Variants in APBA1 observed in about 807,000 individuals in gnomAD.
The protein encoded by APBA1 is amyloid-beta A4 precursor protein-binding family A member 1.
Under a neutral mutation model 86.6 loss-of-function variants are expected in APBA1, and 55 were observed. The ratio of observed to expected loss-of-function variants is 0.64; its 90% CI spans 0.51 to 0.80. The LOEUF (loss-of-function observed/expected upper bound fraction) is 0.80, where lower values mean the gene tolerates loss of function less well. APBA1 is among the 30% of genes least tolerant of loss of function. APBA1 has a pLI of 0.00. For missense variants in APBA1, 1,090 were observed against 1,183.0 expected (o/e 0.92, Z 1.15); for synonymous variants, 511 against 493.9 (o/e 1.03, Z -0.46).
intron 1 of APBA1, among the ~76,000 whole-genome samples, chr9:69,597,788 G>A (rs1023692878): frequency 2.0e-5 from 3 of 152,178 alleles, no homozygotes; most frequent in African/African-American, 7.2e-5. Flanking sequence ...CGCATTGCTT[G>A]TTTTTCTCAG....
intron 8 of APBA1, among the ~76,000 whole-genome samples, chr9:69,453,211 G>T (rs896388675): frequency 6.6e-6 from 1 of 152,158 alleles, no homozygotes; most frequent in Non-Finnish European, 1.5e-5. Context: ...AATAGGGGAG[G>T]TTATATTAGC....
intron 1 of APBA1, among the ~76,000 whole-genome samples, chr9:69,559,593 A>G (rs1836917570): frequency 1.3e-5 from 2 of 152,116 alleles, no homozygotes; most frequent in African/African-American, 2.4e-5. Context: ...TTAAAATAAT[A>G]CTTTAACAGG....
chr9:69,541,245 T>G, intron 1 of APBA1, among the ~76,000 whole-genome samples: 1 of 124,684 alleles, frequency 8.0e-6, no homozygotes, highest in African/African-American at 2.9e-5. Flanking sequence ...TTTAATTGTT[T>G]TAGGGACCCC....
chr9:69,520,666 C>T (rs2133894810), intron 1 of APBA1, among the ~76,000 whole-genome samples: 1 of 152,308 alleles, frequency 6.6e-6, no homozygotes, highest in Admixed American at 6.5e-5. Context: ...CACCTCCTCA[C>T]CTTCCCTACC....
At chr9:69,463,923 A>C (rs995374139) in intron 5 of APBA1, 1 of 152,250 alleles carries the variant, frequency 6.6e-6, no homozygotes, top group African/African-American at 2.4e-5. Context: ...CGGACGCTAT[A>C]AAGTCTGCAG....
At chr9:69,555,006 C>T (rs999449310) in intron 1 of APBA1, among the ~76,000 whole-genome samples, 2 of 152,158 alleles carry the variant, frequency 1.3e-5, no homozygotes, top group African/African-American at 2.4e-5. Context: ...ATGATTCCTA[C>T]GTCCCGCACG....
chr9:69,496,128 T>C (rs1290171788), intron 2 of APBA1, among the ~76,000 whole-genome samples: 1 of 152,026 alleles, frequency 6.6e-6, no homozygotes, highest in Non-Finnish European at 1.5e-5. Context: ...CTAAGCTGGA[T>C]GGAGGAGCTC....
chr9:69,512,582 A>G (rs906076145), intron 2 of APBA1, among the ~76,000 whole-genome samples: 1 of 152,198 alleles, frequency 6.6e-6, no homozygotes, highest in East Asian at 1.9e-4. Flanking sequence ...TCACAGTGAG[A>G]TACCTCTTTT....
At chr9:69,656,268 C>G (rs1435372649) in intron 1 of APBA1, among the ~76,000 whole-genome samples, 1 of 152,148 alleles carries the variant, frequency 6.6e-6, no homozygotes, top group African/African-American at 2.4e-5. Context: ...CAATTCCATT[C>G]CTGAGTATAT....
intron 2 of APBA1, among the ~76,000 whole-genome samples, chr9:69,511,168 A>G (rs1588330383): frequency 6.6e-6 from 1 of 152,236 alleles, no homozygotes; most frequent in African/African-American, 2.4e-5. Flanking sequence ...TTCGCAACCT[A>G]CTCATCTGAC....
intron 11 of APBA1, among the ~76,000 whole-genome samples, chr9:69,434,655 C>T (rs972032295): frequency 2.0e-4 from 30 of 149,884 alleles, no homozygotes; most frequent in African/African-American, 6.9e-4. Flanking sequence ...TGCAGTGAGC[C>T]GAGATCGTGC....
intron 1 of APBA1, among the ~76,000 whole-genome samples, chr9:69,634,999 A>C (rs182462283): frequency 2.6e-5 from 4 of 152,332 alleles, no homozygotes; most frequent in Admixed American, 2.6e-4. Context: ...CTGAAAGAAA[A>C]GTATGCTAAT....
In APBA1 at chr9:69,512,071, A is replaced by G. The variant is rs1042495060; in HGVS notation, c.1200+3940T>C. 3.7e-5 allele frequency among the ~76,000 whole-genome samples: 4 copies of G among 108,552 alleles called. No homozygotes were observed. The South Asian group carries it at 1.0e-3, about 27-fold the overall frequency. The allele number at this position is 108,552 out of a possible 152,430, so 71.2% of individuals were successfully genotyped here. A position where few individuals can be genotyped will look rare whatever the true frequency, so the allele number is the denominator to read the frequency against. ...ACATGTACCCTAAAACTTAAAGTAT[A>G]ATAAATAAATAAATAAATAAATAAA... On this transcript the variant is annotated intron_variant, in intron 2 of 12. Transcript: ENST00000265381.
chr9:69,441,099 G>A lies in APBA1; in HGVS notation c.2198C>T (p.Ser733Phe). The part of the protein sequence containing the change: ...QSIIKGLKNQ[S>F]RVKLNIVRCP... ...TCTCACGATATTCAGCTTGACTCGG[G>A]ACTGATTCTTTAAGCCCTTAAACAT... The change falls in exon 11 of 13, where the codon TCC (serine) becomes TTC (phenylalanine). Residue 733 changes from serine to phenylalanine, a missense_variant. By Grantham distance (155) the Ser-to-Phe change is radical. Around this residue, in one of 6 missense-constraint regions of APBA1, gnomAD observed 119 missense variants for 124.8 expected, o/e 0.95. Coordinates refer to ENST00000265381, the MANE Select transcript of APBA1 (RefSeq NM_001163.4). The A allele has an allele frequency of 6.2e-7, 1 of 1,614,014 alleles. No homozygotes were observed. Among genetic ancestry groups the A allele is most frequent in the South Asian group, 1.1e-5 (1 of 91,068 alleles).
intron 1 of APBA1, among the ~76,000 whole-genome samples, chr9:69,560,790 T>G (rs1836935621): frequency 1.3e-5 from 2 of 152,204 alleles, no homozygotes; most frequent in South Asian, 4.1e-4. Flanking sequence ...AATGAGCACT[T>G]CCTTTGAGCA....
intron 2 of APBA1, among the ~76,000 whole-genome samples, chr9:69,498,224 T>C (rs1016813949): frequency 6.6e-6 from 1 of 152,128 alleles, no homozygotes; most frequent in Admixed American, 6.5e-5. Flanking sequence ...TGAAGCAAGA[T>C]GCCAAGTGTC....
At chr9:69,513,602 C>T (rs1445805188) in intron 2 of APBA1, among the ~76,000 whole-genome samples, 2 of 152,216 alleles carry the variant, frequency 1.3e-5, no homozygotes, top group South Asian at 2.1e-4. Context: ...GAATTCTACA[C>T]GTGAGTGCAC....
At chr9:69,543,949 C>T (rs1414460742) in intron 1 of APBA1, among the ~76,000 whole-genome samples, 1 of 152,208 alleles carries the variant, frequency 6.6e-6, no homozygotes, top group Non-Finnish European at 1.5e-5. Flanking sequence ...AATAATTTGA[C>T]ATAAATTGTA....
intron 1 of APBA1, among the ~76,000 whole-genome samples, chr9:69,518,209 G>A (rs539872211): frequency 6.6e-6 from 1 of 152,256 alleles, no homozygotes; most frequent in South Asian, 2.1e-4. Context: ...CATTTATATT[G>A]TATTAGGTAT....
Sources: allele counts gnomAD v4.1 joint callset (sites outside exome capture counted in the v4.1 genomes callset), GRCh38; gene constraint gnomAD v4.1.1; regional missense constraint gnomAD v4.1.1; transcripts MANE v1.5; gene names NCBI Gene and HGNC (gene_info 2026-07-23, HGNC 2026-07-21).